The following NDFIP2 variants were observed in gnomAD, a reference collection of about 807,000 sequenced individuals.
The protein encoded by NDFIP2 is Nedd4 family interacting protein 2, also known as NEDD4 family-interacting protein 2.
Under a neutral mutation model 36.0 loss-of-function variants are expected in NDFIP2, and 19 were observed. The observed-to-expected ratio is 0.53, with a 90% CI of 0.37 to 0.77. The LOEUF is 0.77. NDFIP2 is among the 30% of genes least tolerant of loss of function. The probability of loss-of-function intolerance (pLI) is 0.00; values close to 1 mark genes in which losing one functional copy is unlikely to be tolerated. For synonymous variants in NDFIP2, 181 were observed against 167.7 expected (o/e 1.08, Z -0.61); for missense variants, 446 against 435.8 (o/e 1.02, Z -0.21).
intron 5 of NDFIP2, among the ~76,000 whole-genome samples, chr13:79,545,796 G>GT (rs1699097441): frequency 6.6e-6 from 1 of 152,136 alleles, no homozygotes; most frequent in Non-Finnish European, 1.5e-5. Flanking sequence ...GAGTGCAGTG[G>GT]TGCCATCTTG....
At chr13:79,513,739 TAGG>T (rs2140758423) in intron 1 of NDFIP2, among the ~76,000 whole-genome samples, 1 of 151,976 alleles carries the variant, frequency 6.6e-6, no homozygotes, top group African/African-American at 2.4e-5. Flanking sequence ...CATTAAGGAT[TAGG>T]AGATCAGCAA....
At chr13:79,523,380 C>A (rs1475867410) in intron 2 of NDFIP2, among the ~76,000 whole-genome samples, 1 of 152,200 alleles carries the variant, frequency 6.6e-6, no homozygotes, top group East Asian at 1.9e-4. Context: ...GCCACCACAC[C>A]TGGCGAATTT....
At chr13:79,537,880 C>A (rs1457743957) in intron 3 of NDFIP2, among the ~76,000 whole-genome samples, 1 of 152,076 alleles carries the variant, frequency 6.6e-6, no homozygotes, top group Non-Finnish European at 1.5e-5. Context: ...AAAGAAATAC[C>A]CAAGACTGGG....
chr13:79,509,432 A>C (rs979756278), intron 1 of NDFIP2, among the ~76,000 whole-genome samples: 1 of 152,184 alleles, frequency 6.6e-6, no homozygotes, highest in African/African-American at 2.4e-5. Flanking sequence ...GATCATTCAG[A>C]TGAAGCCACC....
rs1488536555 is a variant in NDFIP2, at chr13:79,555,544, T to C, written c.*3031T>C. ...TTATTATTGCCACAGTGTTTTCTAA[T>C]GAACCATTTGGCCTGTAGAAGAGGA... On this transcript the variant is annotated 3_prime_UTR_variant, in exon 8 of 8. Coordinates refer to ENST00000218652, the MANE Select transcript of NDFIP2 (RefSeq NM_019080.3). 6.6e-6 allele frequency: 1 copy of C among 151,994 alleles called. No individual in the cohort carries two copies. The highest frequency in any genetic ancestry group is 1.5e-5 in the Non-Finnish European group (1 of 67,932). The allele number at this position is 151,994 out of a possible 1,614,324, so 9.4% of individuals were successfully genotyped here.
At chr13:79,516,222 G>T (rs1874320683) in intron 1 of NDFIP2, among the ~76,000 whole-genome samples, 1 of 151,934 alleles carries the variant, frequency 6.6e-6, no homozygotes, top group Non-Finnish European at 1.5e-5. Flanking sequence ...TAGTGCCATG[G>T]GTAGCTCCAA....
chr13:79,538,767 G>A (rs1229966047), intron 3 of NDFIP2, among the ~76,000 whole-genome samples: 1 of 152,174 alleles, frequency 6.6e-6, no homozygotes, highest in Non-Finnish European at 1.5e-5. Context: ...ATTTTTAGTA[G>A]AGGCAGGGTT....
chr13:79,552,303 AT>A (rs1875938211), intron 7 of NDFIP2, among the ~76,000 whole-genome samples: 1 of 151,432 alleles, frequency 6.6e-6, no homozygotes, highest in Admixed American at 6.6e-5. Context: ...TCTTCTATGC[AT>A]TTTGAAGAGT....
chr13:79,496,813 C>G (rs1873450537), intron 1 of NDFIP2, among the ~76,000 whole-genome samples: 1 of 151,504 alleles, frequency 6.6e-6, no homozygotes, highest in Non-Finnish European at 1.5e-5. Flanking sequence ...GCCATTGATC[C>G]CATTAGTGAA....
At chr13:79,525,421 CG>C (rs551062631) in intron 2 of NDFIP2, among the ~76,000 whole-genome samples, 243 of 152,230 alleles carry the variant, frequency 1.6e-3, no homozygotes, top group Non-Finnish European at 1.9e-3. Flanking sequence ...CCTCAGCCTA[CG>C]TTTTTTTTCT....
chr13:79,542,223 A>G (rs1875481833), intron 4 of NDFIP2, among the ~76,000 whole-genome samples: 1 of 152,176 alleles, frequency 6.6e-6, no homozygotes, highest in Admixed American at 6.5e-5. Context: ...AGGTTTAGCC[A>G]TTTGTACCGT....
Position 79,551,130 on chromosome 13 carries a change from A to T in NDFIP2, c.*2+8A>T, listed in dbSNP as rs764383598. On this transcript the variant is annotated splice_region_variant and intron_variant, in intron 7 of 7. Coordinates refer to ENST00000218652, the MANE Select transcript of NDFIP2 (RefSeq NM_019080.3). ...TTTCTTCTTATTGTAGAGGTAAGAA[A>T]TATTAATCTGTGAACTCTGCCTATT... 1.6e-5 allele frequency: 24 copies of T among 1,543,912 alleles called. No homozygotes were observed. In the South Asian group the frequency reaches 2.7e-4, roughly 17 times the overall value.
chr13:79,516,570 G>T (rs1396945443), intron 1 of NDFIP2, among the ~76,000 whole-genome samples: 1 of 152,028 alleles, frequency 6.6e-6, no homozygotes, highest in Non-Finnish European at 1.5e-5. Context: ...CTTATTCCTG[G>T]ATCTGCCCTC....
chr13:79,486,185 G>A (rs1217332336), intron 1 of NDFIP2, among the ~76,000 whole-genome samples: 1 of 152,032 alleles, frequency 6.6e-6, no homozygotes, highest in Non-Finnish European at 1.5e-5. Context: ...AAACACTTCT[G>A]GTCCCAAGCA....
intron 5 of NDFIP2, among the ~76,000 whole-genome samples, chr13:79,546,644 C>G (rs1456975533): frequency 6.6e-6 from 1 of 152,110 alleles, no homozygotes; most frequent in Non-Finnish European, 1.5e-5. Context: ...ATCCTTTTTA[C>G]ATAGCAAATC....
At chr13:79,525,315 T>C (rs1386002338) in intron 2 of NDFIP2, among the ~76,000 whole-genome samples, 1 of 152,240 alleles carries the variant, frequency 6.6e-6, no homozygotes, top group East Asian at 1.9e-4. Flanking sequence ...GCCAAAACTT[T>C]TGCAGTTTGA....
Position 79,523,439 on chromosome 13 carries a change from C to T in NDFIP2, c.487+2464C>T, listed in dbSNP as rs1401631801. 7.2e-5 allele frequency among the ~76,000 whole-genome samples: 11 copies of T among 152,094 alleles called. 1 individual carries two copies. The highest frequency in any genetic ancestry group is 5.9e-4 in the Admixed American group (9 of 15,264). On this transcript the variant is annotated intron_variant, in intron 2 of 7. Transcript: ENST00000218652. ...TTCACCATGTTGGTCAGGCTGGTCT[C>T]GAACTCCTGACCTAGGGTGATCTGC...
At chr13:79,538,216 G>T (rs910891657) in intron 3 of NDFIP2, among the ~76,000 whole-genome samples, 5 of 152,182 alleles carry the variant, frequency 3.3e-5, no homozygotes, top group South Asian at 2.1e-4. Flanking sequence ...AACAGTTGAG[G>T]ATTACAGTTG....
At chr13:79,533,049 C>T (rs1230136052) in intron 2 of NDFIP2, among the ~76,000 whole-genome samples, 1 of 152,102 alleles carries the variant, frequency 6.6e-6, no homozygotes, top group Non-Finnish European at 1.5e-5. Context: ...CTTCTCTTGT[C>T]TGGCACTCTT....
Sources: gnomAD v4.1 joint callset for allele counts (sites outside exome capture counted in the v4.1 genomes callset) on GRCh38, gnomAD v4.1.1 for gene constraint, MANE v1.5 for transcripts, NCBI Gene and HGNC (gene_info 2026-07-23, HGNC 2026-07-21) for gene names.